RPS6KA1: variants seen among roughly 807,000 people sequenced by gnomAD.
The protein encoded by RPS6KA1 is ribosomal protein S6 kinase alpha-1.
Under a neutral mutation model 91.3 loss-of-function variants are expected in RPS6KA1, and 48 were observed. The observed-to-expected ratio is 0.53, with a 90% confidence interval of 0.42 to 0.67. The LOEUF is 0.67. Ranked by LOEUF, RPS6KA1 falls within the 30% of genes least tolerant of loss-of-function variation. The pLI is 0.00. For synonymous variants in RPS6KA1, 359 were observed against 384.7 expected (o/e 0.93, Z 0.78); for missense variants, 719 against 960.5 (o/e 0.75, Z 3.32).
intron 20 of RPS6KA1, 112 bp from the exon 21 acceptor site, chr1:26,573,111 CT>C: frequency 3.5e-6 from 4 of 1,132,184 alleles, no homozygotes. Flanking sequence ...ATCCCAGGGG[CT>C]GCCGCAAGGG....
In RPS6KA1 at chr1:26,573,410, G is replaced by A; in HGVS notation, c.2085+49G>A. The A allele has an allele frequency of 1.9e-6, 3 of 1,609,116 alleles. No individual in the cohort carries two copies. In the Admixed American group the frequency reaches 5.0e-5, roughly 27 times the overall value. On this transcript the variant is annotated intron_variant, in intron 21 of 21. Transcript: ENST00000374168. ...GGCATCTGGGGGGTCAGCCCAAGGT[G>A]GCATGGTCAGGGACTTGTGGAAGAG...
At chr1:26,570,198 G>A (rs188045592) in intron 17 of RPS6KA1, among the ~76,000 whole-genome samples, 1 of 152,190 alleles carries the variant, frequency 6.6e-6, no homozygotes, top group Admixed American at 6.5e-5. Flanking sequence ...GAATGGAACT[G>A]TACAGGCCAG....
At chr1:26,538,465 A>G (rs1016914826) in intron 2 of RPS6KA1, among the ~76,000 whole-genome samples, 18 of 152,180 alleles carry the variant, frequency 1.2e-4, no homozygotes, top group African/African-American at 4.1e-4. Context: ...TCCCAAGCCT[A>G]TGACTCTTGC....
At chr1:26,564,234 A>T (rs894641544) in intron 17 of RPS6KA1, among the ~76,000 whole-genome samples, 7 of 151,992 alleles carry the variant, frequency 4.6e-5, no homozygotes, top group Non-Finnish European at 7.4e-5. Context: ...CTACCTTTTT[A>T]AATTTAATTT....
chr1:26,562,414 G>T (rs1369339893), intron 17 of RPS6KA1, among the ~76,000 whole-genome samples: 1 of 152,160 alleles, frequency 6.6e-6, no homozygotes, highest in Non-Finnish European at 1.5e-5. Context: ...TTAGGAAGTG[G>T]CAGGGTCACC....
At chr1:26,538,917 G>A (rs2075926230) in intron 2 of RPS6KA1, among the ~76,000 whole-genome samples, 1 of 152,192 alleles carries the variant, frequency 6.6e-6, no homozygotes, top group Admixed American at 6.5e-5. Context: ...TCATCACTTT[G>A]TGCAGTGGAA....
At chr1:26,542,937 A>G (rs1310163893) in intron 2 of RPS6KA1, among the ~76,000 whole-genome samples, 1 of 152,074 alleles carries the variant, frequency 6.6e-6, no homozygotes, top group Admixed American at 6.5e-5. Context: ...GTCAGAGGAC[A>G]TAGGGAGAGG....
chr1:26,559,718 T>A (rs1057310255), intron 14 of RPS6KA1, among the ~76,000 whole-genome samples: 11 of 152,084 alleles, frequency 7.2e-5, no homozygotes, highest in Non-Finnish European at 1.5e-4. Context: ...CGTGCCTCAG[T>A]TTCCTCATCT....
intron 6 of RPS6KA1, chr1:26,552,875 C>G: frequency 4.8e-6 from 2 of 414,306 alleles, no homozygotes; most frequent in South Asian, 3.6e-5. Flanking sequence ...CCCACCCCAG[C>G]CCCCTCTATT....
chr1:26,539,716 A>G (rs1292950141), intron 2 of RPS6KA1, among the ~76,000 whole-genome samples: 1 of 152,172 alleles, frequency 6.6e-6, no homozygotes, highest in Non-Finnish European at 1.5e-5. Flanking sequence ...AATAGTGTGG[A>G]TAGCCATCCA....
intron 2 of RPS6KA1, among the ~76,000 whole-genome samples, chr1:26,537,617 G>A (rs1325629396): frequency 6.6e-6 from 1 of 152,194 alleles, no homozygotes; most frequent in East Asian, 1.9e-4. Context: ...TGTACACTCT[G>A]GGCCTTGGCT....
chr1:26,530,601 G>A, intron 1 of RPS6KA1: 3 of 401,724 alleles, frequency 7.5e-6, no homozygotes, highest in South Asian at 6.7e-5. Flanking sequence ...TAGACCTTGT[G>A]AAGATGATTC....
At chr1:26,560,673 G>T (rs1339791165) in intron 14 of RPS6KA1, 53 bp from the exon 15 acceptor site, 4 of 1,611,526 alleles carry the variant, frequency 2.5e-6, no homozygotes, top group South Asian at 1.1e-5. Context: ...CCTGGGGGAT[G>T]ACCCCTAGCA....
At chr1:26,550,265 C>T (rs917707607) in intron 4 of RPS6KA1, among the ~76,000 whole-genome samples, 1 of 150,430 alleles carries the variant, frequency 6.6e-6, no homozygotes, top group African/African-American at 2.5e-5. Context: ...TCACTGCAAC[C>T]TCCGCCTCCT....
At chr1:26,538,867 G>A (rs2075925767) in intron 2 of RPS6KA1, among the ~76,000 whole-genome samples, 1 of 152,150 alleles carries the variant, frequency 6.6e-6, no homozygotes, top group Non-Finnish European at 1.5e-5. Context: ...CCACTTCTGG[G>A]CTTAATACAC....
Position 26,547,279 on chromosome 1 carries a change from G to A in RPS6KA1, c.307+9G>A, listed in dbSNP as rs2076003828. ...GAAGGCAACGCTGAAAGGTGAGTGGGGACACCTCCCTGTGCAGAACCCAGG... is the reference window on the plus strand; with the variant it reads ...GAAGGCAACGCTGAAAGGTGAGTGGAGACACCTCCCTGTGCAGAACCCAGG... On this transcript the variant is annotated intron_variant, in intron 4 of 21. Coordinates refer to ENST00000374168, the MANE Select transcript of RPS6KA1 (RefSeq NM_002953.4). This position sits in a 1 kb window ranked among gnomAD's most constrained non-coding sequence, Gnocchi z 4.1. 1.2e-6 allele frequency: 2 copies of A among 1,609,804 alleles called. No homozygotes were observed. Among genetic ancestry groups the A allele is most frequent in the Non-Finnish European group, 1.7e-6 (2 of 1,176,980 alleles).
intron 2 of RPS6KA1, chr1:26,545,771 A>G (rs1328807633): frequency 1.5e-6 from 2 of 1,301,602 alleles, no homozygotes; most frequent in African/African-American, 3.1e-5. Flanking sequence ...ACAGGCCCTG[A>G]GTGATTGGCT....
In RPS6KA1 at chr1:26,551,632, C is replaced by A; in HGVS notation, c.389-12C>A. The stretch of plus-strand genomic sequence containing the variant: ...GCGCCGACTCTACCATTGCCTTTCT[C>A]CCTCTTCCCAGCCTTCCAGACCGAG... On this transcript the variant is annotated splice_polypyrimidine_tract_variant and intron_variant, in intron 5 of 21. Coordinates refer to ENST00000374168, the MANE Select transcript of RPS6KA1 (RefSeq NM_002953.4). This position sits in a 1 kb window ranked among gnomAD's most constrained non-coding sequence, Gnocchi z 4.5. The A allele has an allele frequency of 6.2e-7, 1 of 1,613,798 alleles. No homozygotes were observed. The highest frequency in any genetic ancestry group is 1.6e-4 in the Middle Eastern group (1 of 6,062).
intron 2 of RPS6KA1, 78 bp from the exon 3 acceptor site, chr1:26,546,789 G>T (rs2075998381): frequency 6.6e-6 from 7 of 1,064,544 alleles, no homozygotes; most frequent in African/African-American, 1.6e-5. Flanking sequence ...GTGGTCTGGT[G>T]GGAATGGACT....
Sources: allele counts gnomAD v4.1 joint callset (sites outside exome capture counted in the v4.1 genomes callset), GRCh38; gene constraint gnomAD v4.1.1; non-coding constraint Gnocchi (gnomAD v3.1); transcripts MANE v1.5; gene names NCBI Gene and HGNC (gene_info 2026-07-23, HGNC 2026-07-21).